COL5A1: variants seen among roughly 807,000 people sequenced by gnomAD.
The protein encoded by COL5A1 is collagen alpha-1(V) chain.
A neutral mutation model predicts 263.7 loss-of-function variants in COL5A1; 16 were observed. The ratio of observed to expected loss-of-function variants is 0.06; its 90% confidence interval spans 0.04 to 0.09. The LOEUF (loss-of-function observed/expected upper bound fraction) is 0.09. Ranked by LOEUF, COL5A1 falls within the 10% of genes least tolerant of loss-of-function variation. The pLI, the probability that COL5A1 is intolerant of heterozygous loss-of-function variation, is 1.00. For missense variants in COL5A1, 2,036 were observed against 2,540.5 expected, an observed-to-expected ratio of 0.80 and a Z score of 4.27; for synonymous variants, 1,012 against 1,004.5, an observed-to-expected ratio of 1.01 and a Z score of -0.14.
At position 134,774,940 on chromosome 9, in the gene COL5A1, C is replaced by T. The variant is rs201713424; in HGVS notation, c.2385+28C>T. 1.8e-4 allele frequency: 284 copies of T among 1,608,698 alleles called. No individual in the cohort carries two copies. In the East Asian group the frequency reaches 3.8e-3, roughly 22 times the overall value. On this transcript the variant is annotated intron_variant, in intron 27 of 65. Transcript: ENST00000371817. ...GAGAGAGACTCACGCCACTCCAGGT[C>T]GTCCTGGAGGTCAGGGTTGGGACTG...
intron 64 of COL5A1, among the ~76,000 whole-genome samples, chr9:134,830,763 C>T (rs936117700): frequency 2.6e-5 from 4 of 152,210 alleles, no homozygotes; most frequent in African/African-American, 7.2e-5. Flanking sequence ...ACATTGGCCT[C>T]CCAGGAAAGA....
chr9:134,836,683 C>G (rs1461159288), intron 65 of COL5A1, among the ~76,000 whole-genome samples: 2 of 152,258 alleles, frequency 1.3e-5, no homozygotes, highest in African/African-American at 2.4e-5. Context: ...AATCCCGCCT[C>G]CCCCTGCCCA....
chr9:134,698,979 C>T (rs937181876), intron 2 of COL5A1, among the ~76,000 whole-genome samples: 1 of 152,244 alleles, frequency 6.6e-6, no homozygotes, highest in Non-Finnish European at 1.5e-5. Context: ...CTCCTTCTGG[C>T]CCGTTCTGAG....
chr9:134,704,511 G>A (rs539521773), intron 4 of COL5A1, among the ~76,000 whole-genome samples: 307 of 152,290 alleles, frequency 2.0e-3, no homozygotes, highest in Admixed American at 2.9e-3. Context: ...TGCAGCTGGC[G>A]CCTGGCAGGC....
chr9:134,807,726 A>G (rs1838347384), intron 42 of COL5A1, among the ~76,000 whole-genome samples: 2 of 152,202 alleles, frequency 1.3e-5, no homozygotes, highest in African/African-American at 2.4e-5. Flanking sequence ...TGTTCAATAC[A>G]TTATTGGCAA....
At chr9:134,839,329 C>T (rs779793436) in intron 65 of COL5A1, among the ~76,000 whole-genome samples, 12 of 152,162 alleles carry the variant, frequency 7.9e-5, no homozygotes, top group Admixed American at 2.6e-4. Context: ...GGTAACAGAG[C>T]GGCTCGCAGC....
intron 4 of COL5A1, among the ~76,000 whole-genome samples, chr9:134,706,493 G>A (rs908692881): frequency 6.6e-6 from 1 of 152,192 alleles, no homozygotes; most frequent in South Asian, 2.1e-4. Flanking sequence ...CAAGGAGAAG[G>A]CGGATGGGAG....
chr9:134,715,649 T>C (rs1834233931), intron 4 of COL5A1, among the ~76,000 whole-genome samples: 1 of 152,210 alleles, frequency 6.6e-6, no homozygotes. Context: ...TGATGACTTT[T>C]AACAAGCATG....
At chr9:134,717,416 A>T (rs1039109598) in intron 4 of COL5A1, among the ~76,000 whole-genome samples, 4 of 152,174 alleles carry the variant, frequency 2.6e-5, no homozygotes, top group Non-Finnish European at 4.4e-5. Flanking sequence ...CAGCTTCAGA[A>T]GGGGAAAGAA....
intron 29 of COL5A1, 47 bp from the exon 30 acceptor site, chr9:134,784,942 G>GTGTA (rs1304528443): frequency 7.9e-7 from 1 of 1,272,476 alleles, no homozygotes; most frequent in Non-Finnish European, 1.1e-6. Flanking sequence ...GGAGAATAGT[G>GTGTA]TGTGTGCGGG....
chr9:134,828,998 GCA>G (rs1212793353), intron 63 of COL5A1, among the ~76,000 whole-genome samples: 1 of 151,598 alleles, frequency 6.6e-6, no homozygotes, highest in Non-Finnish European at 1.5e-5. Flanking sequence ...CCATGCACGC[GCA>G]CACACACACG....
chr9:134,737,702 G>A (rs1057402072), intron 9 of COL5A1, among the ~76,000 whole-genome samples: 2 of 152,180 alleles, frequency 1.3e-5, no homozygotes, highest in African/African-American at 2.4e-5. Flanking sequence ...AGGGAGCCCC[G>A]TCCTGCAGGG....
In COL5A1 at chr9:134,731,990, CG is replaced by C. The variant is rs986442054; in HGVS notation, c.1333-78del. ...GATAGTGCCCTCGGCCTTGCGAAAT[CG>C]GGCAGATTTTGTGTAATCTGGACTT... On this transcript the variant is annotated intron_variant, in intron 8 of 65. Transcript: ENST00000371817. The C allele has an allele frequency of 1.8e-5, 27 of 1,523,420 alleles. No homozygotes were observed. In the African/African-American group the frequency reaches 3.6e-4, roughly 20 times the overall value. The allele number at this position is 1,523,420 out of a possible 1,614,324, so 94.4% of individuals were successfully genotyped here.
At chr9:134,817,629 A>G in intron 53 of COL5A1, 149 bp from the exon 54 acceptor site, 1 of 746,490 alleles carries the variant, frequency 1.3e-6, no homozygotes, top group South Asian at 1.5e-5. Flanking sequence ...CCTGCCCTGC[A>G]GCCCGGCACA....
chr9:134,736,053 C>A (rs1835087595), intron 9 of COL5A1, among the ~76,000 whole-genome samples: 1 of 152,168 alleles, frequency 6.6e-6, no homozygotes. Context: ...CTGGTGACAG[C>A]CTCCGGTGGC....
chr9:134,733,769 C>T (rs1220827770), intron 9 of COL5A1, among the ~76,000 whole-genome samples: 1 of 152,240 alleles, frequency 6.6e-6, no homozygotes, highest in African/African-American at 2.4e-5. Flanking sequence ...AGGTGAACAA[C>T]AGCAGAGGCT....
At chr9:134,781,494 C>G (rs1261959861) in intron 28 of COL5A1, among the ~76,000 whole-genome samples, 5 of 152,236 alleles carry the variant, frequency 3.3e-5, no homozygotes, top group African/African-American at 1.2e-4. Context: ...CACCTGAGGA[C>G]CTTTCATCCT....
At chr9:134,724,681 G>C (rs9409918) in intron 4 of COL5A1, among the ~76,000 whole-genome samples, 80,440 of 152,032 alleles carry the variant, frequency 0.53, 21,579 homozygotes, top group South Asian at 0.66. Context: ...CACCCTGGGA[G>C]TGAGGGTGAC....
Position 134,678,232 on chromosome 9 carries a change from G to A in COL5A1, c.110-12680G>A, listed in dbSNP as rs2132524667. ...GTGGTCTGTGGCTCTGAAGCCATGG[G>A]CAGCTTGCTCTACCTCTCTCACGCT... On this transcript the variant is annotated intron_variant, in intron 1 of 65. Transcript: ENST00000371817. This position sits in a 1 kb window ranked among gnomAD's most constrained non-coding sequence, Gnocchi z 5.5. 6.6e-6 allele frequency among the ~76,000 whole-genome samples: 1 copy of A among 152,336 alleles called. No individual in the cohort carries two copies. Among genetic ancestry groups the A allele is most frequent in the African/African-American group, 2.4e-5 (1 of 41,564 alleles).
Sources: gnomAD v4.1 joint callset for allele counts (sites outside exome capture counted in the v4.1 genomes callset) on GRCh38, gnomAD v4.1.1 for gene constraint, Gnocchi (gnomAD v3.1) non-coding constraint, MANE v1.5 for transcripts, NCBI Gene and HGNC (gene_info 2026-07-23, HGNC 2026-07-21) for gene names.